The following KIAA0232 variants were observed in gnomAD, a reference collection of about 807,000 sequenced individuals.
KIAA0232 encodes uncharacterized protein KIAA0232.
In KIAA0232, 27 loss-of-function variants were observed where a neutral mutation model predicts 122.0. The observed-to-expected ratio is 0.22, with a 90% CI of 0.16 to 0.31. KIAA0232 has a LOEUF of 0.31. Among genes scored for constraint, KIAA0232 ranks in the 10% least tolerant of loss-of-function variants. The pLI is 1.00. For missense variants in KIAA0232, 1,551 were observed against 1,634.2 expected, an observed-to-expected ratio of 0.95 and a Z score of 0.88; for synonymous variants, 613 against 587.6, an observed-to-expected ratio of 1.04 and a Z score of -0.63.
intron 1 of KIAA0232, among the ~76,000 whole-genome samples, chr4:6,783,840 G>A (rs577264445): frequency 2.2e-4 from 33 of 152,328 alleles, no homozygotes; most frequent in African/African-American, 7.7e-4. Context: ...TGCGGGGCCT[G>A]ATCCGGCTCC....
intron 7 of KIAA0232, among the ~76,000 whole-genome samples, chr4:6,867,597 A>C (rs1721253910): frequency 6.6e-6 from 1 of 152,184 alleles, no homozygotes; most frequent in African/African-American, 2.4e-5. Flanking sequence ...TGCTGTCTTC[A>C]GGGAATTTCA....
Position 6,863,013 on chromosome 4 carries a change from T to A in KIAA0232, c.2631T>A (p.Ala877=). 1 of 1,614,200 alleles carries A rather than the reference T, an allele frequency of 6.2e-7. No homozygotes were observed. The highest frequency in any genetic ancestry group is 8.5e-7 in the Non-Finnish European group (1 of 1,180,018). The part of the protein sequence containing the change: ...ELETLQEPDK[A]VRRSEYHLWE... ...AGACCCTTCAGGAGCCTGATAAGGC[T>A]GTGCGGAGGTCAGAGTACCATCTGT... Residue 877 remains alanine (A), a synonymous_variant, in exon 7 of 10, where the codon GCT becomes GCA. Transcript: ENST00000307659.
chr4:6,797,395 A>T (rs905404891), intron 1 of KIAA0232, among the ~76,000 whole-genome samples: 5 of 152,346 alleles, frequency 3.3e-5, no homozygotes, highest in South Asian at 2.1e-4. Context: ...GACAGTGAAC[A>T]GTAATGGCCA....
At chr4:6,834,682 C>T (rs1006265895) in intron 3 of KIAA0232, among the ~76,000 whole-genome samples, 3 of 152,146 alleles carry the variant, frequency 2.0e-5, no homozygotes, top group Non-Finnish European at 2.9e-5. Context: ...TTCTTTAAGA[C>T]TGACAAATTC....
chr4:6,856,293 T>A (rs138688616), intron 4 of KIAA0232, among the ~76,000 whole-genome samples: 59 of 152,338 alleles, frequency 3.9e-4, no homozygotes, highest in African/African-American at 1.3e-3. Flanking sequence ...CAATAAGGAC[T>A]TGATTCCAGT....
At chr4:6,795,577 T>C (rs1262152569) in intron 1 of KIAA0232, among the ~76,000 whole-genome samples, 1 of 152,330 alleles carries the variant, frequency 6.6e-6, no homozygotes, top group Admixed American at 6.5e-5. Context: ...GTTTCTTTTT[T>C]AATATGGCTA....
At chr4:6,844,230 G>A (rs138449794) in intron 4 of KIAA0232, among the ~76,000 whole-genome samples, 1,883 of 151,622 alleles carry the variant, frequency 0.012, 39 homozygotes, top group African/African-American at 0.043. Flanking sequence ...GTGAGCCACC[G>A]CACCCGACCA....
At chr4:6,792,679 A>AGGTTTTTTTTTTTT (rs1716947791) in intron 1 of KIAA0232, among the ~76,000 whole-genome samples, 1 of 141,986 alleles carries the variant, frequency 7.0e-6, no homozygotes, top group South Asian at 2.3e-4. Context: ...TGATAGTCTT[A>AGGTTTTTTTTTTTT]GGTTTTTTTT....
intron 1 of KIAA0232, among the ~76,000 whole-genome samples, chr4:6,803,111 T>G (rs1717462901): frequency 6.7e-6 from 1 of 149,142 alleles, no homozygotes; most frequent in Non-Finnish European, 1.5e-5. Context: ...AGCCCAGGAG[T>G]TCTAGGCTGT....
intron 3 of KIAA0232, among the ~76,000 whole-genome samples, chr4:6,839,791 G>T (rs1719547741): frequency 6.6e-6 from 1 of 152,128 alleles, no homozygotes; most frequent in African/African-American, 2.4e-5. Flanking sequence ...TTAGCCAGCA[G>T]GACTTAATGG....
At chr4:6,833,664 G>T (rs1719113493) in intron 3 of KIAA0232, among the ~76,000 whole-genome samples, 1 of 152,016 alleles carries the variant, frequency 6.6e-6, no homozygotes, top group Non-Finnish European at 1.5e-5. Flanking sequence ...AAAGGAAGAA[G>T]AAAGTGTTCA....
intron 1 of KIAA0232, among the ~76,000 whole-genome samples, chr4:6,797,225 C>G (rs970344184): frequency 6.6e-6 from 1 of 152,164 alleles, no homozygotes; most frequent in African/African-American, 2.4e-5. Flanking sequence ...CTGGAACTTA[C>G]TTAGGCCTTG....
chr4:6,802,034 A>G (rs1717406450), intron 1 of KIAA0232, among the ~76,000 whole-genome samples: 1 of 152,192 alleles, frequency 6.6e-6, no homozygotes, highest in Admixed American at 6.5e-5. Context: ...TAGTTCCTTC[A>G]TGAGTGTCAC....
rs11389688 is a variant in KIAA0232, at chr4:6,816,288, G to GTT, written c.-269-7886_-269-7885dup. 4.6e-3 allele frequency among the ~76,000 whole-genome samples: 655 copies of GTT among 142,570 alleles called. 5 individuals carry two copies. The highest frequency in any genetic ancestry group is 0.012 in the African/African-American group (462 of 38,882). 93.5% of individuals were successfully genotyped at this position (142,570 alleles called of 152,430 possible). On this transcript the variant is annotated intron_variant, in intron 2 of 9. Coordinates refer to ENST00000307659, the MANE Select transcript of KIAA0232 (RefSeq NM_014743.3). ...TTGTTTCTTATAATGTCTTTTTTTTGTTTTTTTTTTTTGAGACGGAGCCTC... is the reference window on the plus strand; with the variant it reads ...TTGTTTCTTATAATGTCTTTTTTTTGTTTTTTTTTTTTTTGAGACGGAGCCTC...
chr4:6,864,931 A>G (rs895294583), intron 7 of KIAA0232, among the ~76,000 whole-genome samples: 1 of 152,092 alleles, frequency 6.6e-6, no homozygotes, highest in Non-Finnish European at 1.5e-5. Flanking sequence ...TTATATCTCT[A>G]TGGAGTTCTC....
At chr4:6,785,122 A>G (rs1716560228) in intron 1 of KIAA0232, among the ~76,000 whole-genome samples, 2 of 152,062 alleles carry the variant, frequency 1.3e-5, no homozygotes, top group South Asian at 2.1e-4. Flanking sequence ...CATTTTTAGT[A>G]GAGATGGGGC....
At chr4:6,792,145 C>G (rs554770353) in intron 1 of KIAA0232, among the ~76,000 whole-genome samples, 2 of 152,154 alleles carry the variant, frequency 1.3e-5, no homozygotes, top group Non-Finnish European at 2.9e-5. Flanking sequence ...TTGGGTATGT[C>G]TTTATCAGCA....
intron 3 of KIAA0232, among the ~76,000 whole-genome samples, chr4:6,831,586 A>C (rs1347262373): frequency 1.3e-5 from 2 of 152,230 alleles, no homozygotes; most frequent in African/African-American, 2.4e-5. Flanking sequence ...TGAGGCATAA[A>C]ATGCATACAG....
intron 4 of KIAA0232, among the ~76,000 whole-genome samples, chr4:6,851,722 T>TTAA (rs1402229445): frequency 2.1e-5 from 2 of 97,220 alleles, no homozygotes; most frequent in Non-Finnish European, 3.9e-5. Flanking sequence ...TCTCAAAAAT[T>TTAA]AAAAAAAAAA....
Sources: gnomAD v4.1 joint callset for allele counts (sites outside exome capture counted in the v4.1 genomes callset) on GRCh38, gnomAD v4.1.1 for gene constraint, MANE v1.5 for transcripts, NCBI Gene and HGNC (gene_info 2026-07-23, HGNC 2026-07-21) for gene names.